RIMBP2: variants seen among roughly 807,000 people sequenced by gnomAD.
RIMBP2 encodes RIMS-binding protein 2.
In RIMBP2, 48 loss-of-function variants were observed where a neutral mutation model predicts 118.6. That is an observed-to-expected ratio of 0.40 (90% confidence interval 0.32 to 0.51). The LOEUF (loss-of-function observed/expected upper bound fraction) is 0.51. Ranked by LOEUF, RIMBP2 falls within the 20% of genes least tolerant of loss-of-function variation. RIMBP2 has a pLI of 0.41. For missense variants in RIMBP2, 1,551 were observed against 1,768.3 expected (o/e 0.88, Z 2.20); for synonymous variants, 762 against 742.9 (o/e 1.03, Z -0.42).
intron 1 of RIMBP2, among the ~76,000 whole-genome samples, chr12:130,682,148 G>A (rs1452954600): frequency 6.6e-6 from 1 of 152,080 alleles, no homozygotes; most frequent in African/African-American, 2.4e-5. Context: ...CCGGTGAGGG[G>A]ATGTGACCCA....
chr12:130,478,087 C>T (rs746092205), intron 5 of RIMBP2, among the ~76,000 whole-genome samples: 8 of 152,208 alleles, frequency 5.3e-5, no homozygotes, highest in Non-Finnish European at 1.0e-4. Context: ...AGGACCGTGG[C>T]TGAGGACTGG....
chr12:130,530,738 T>C (rs1181487461), intron 2 of RIMBP2, among the ~76,000 whole-genome samples: 4 of 152,202 alleles, frequency 2.6e-5, no homozygotes, highest in African/African-American at 7.2e-5. Flanking sequence ...CAAGAGCTGA[T>C]TTATGAGAAC....
chr12:130,472,953 A>G (rs2081130954), intron 5 of RIMBP2, among the ~76,000 whole-genome samples: 2 of 152,336 alleles, frequency 1.3e-5, no homozygotes, highest in Non-Finnish European at 2.9e-5. Flanking sequence ...GCAACAATAA[A>G]TAGCAAAATA....
chr12:130,457,859 T>C (rs1217045203), intron 6 of RIMBP2, among the ~76,000 whole-genome samples: 1 of 152,194 alleles, frequency 6.6e-6, no homozygotes, highest in Non-Finnish European at 1.5e-5. Context: ...GGATGGCTTG[T>C]CAGGTCTGCA....
intron 1 of RIMBP2, among the ~76,000 whole-genome samples, chr12:130,629,347 G>C (rs192380361): frequency 2.6e-5 from 4 of 152,316 alleles, no homozygotes. Context: ...CCTGACAGCT[G>C]TTAGGCCCAA....
intron 6 of RIMBP2, among the ~76,000 whole-genome samples, chr12:130,459,306 G>A (rs1324852906): frequency 1.3e-5 from 2 of 151,510 alleles, no homozygotes; most frequent in African/African-American, 2.4e-5. Context: ...AAAAAAGAGT[G>A]GATATAAACA....
chr12:130,435,179 G>A (rs1456765496), intron 13 of RIMBP2, among the ~76,000 whole-genome samples: 1 of 152,062 alleles, frequency 6.6e-6, no homozygotes, highest in Non-Finnish European at 1.5e-5. Context: ...CCGAGTAGCT[G>A]AGACTACAAG....
rs61934622 is a variant in RIMBP2, at chr12:130,588,870, T to C, written c.-217+39452A>G. Among the ~76,000 whole-genome samples, 456 of 152,354 alleles carry C rather than the reference T, an allele frequency of 3.0e-3. 2 individuals carry two copies. The highest frequency in any genetic ancestry group is 5.0e-3 in the Non-Finnish European group (337 of 68,024). On this transcript the variant is annotated intron_variant, in intron 2 of 22. Coordinates refer to ENST00000690449, the MANE Select transcript of RIMBP2 (RefSeq NM_001393629.1). Reference sequence around the variant, plus strand: ...CACAGAAGTTATCTGATGTAGACTGTGCTTAAACTGGTGTCCTGAACATGA... The same window carrying C: ...CACAGAAGTTATCTGATGTAGACTGCGCTTAAACTGGTGTCCTGAACATGA...
intron 1 of RIMBP2, among the ~76,000 whole-genome samples, chr12:130,630,867 A>G (rs2061950760): frequency 6.6e-6 from 1 of 152,182 alleles, no homozygotes. Flanking sequence ...AGAGATTACC[A>G]TACATGCAAA....
At position 130,478,972 on chromosome 12, in the gene RIMBP2, C is replaced by A. The variant is rs1593454507; in HGVS notation, c.42G>T (p.Glu14Asp). The A allele has an allele frequency of 6.2e-7, 1 of 1,614,014 alleles. No homozygotes were observed. The highest frequency in any genetic ancestry group is 1.7e-5 in the Admixed American group (1 of 60,006). ...TGAGAACAGCCAGGGCCTGGTCATG[C>A]TCCAACTGCAGCTGCTGCCGCCGTT... is the stretch of plus-strand genomic sequence containing the variant. ...AAERRQQLQLEHDQALAVLSA... is the reference protein window; with the variant it reads ...AAERRQQLQLDHDQALAVLSA... The change falls in exon 5 of 23, where the codon GAG (glutamate) becomes GAT (aspartate). Residue 14 changes from glutamate to aspartate, a missense_variant. Glu to Asp is a conservative substitution (Grantham distance 45, BLOSUM62 2). Coordinates refer to ENST00000690449, the MANE Select transcript of RIMBP2 (RefSeq NM_001393629.1).
intron 2 of RIMBP2, among the ~76,000 whole-genome samples, chr12:130,579,581 G>C (rs2058325008): frequency 6.6e-6 from 1 of 152,144 alleles, no homozygotes; most frequent in Non-Finnish European, 1.5e-5. Context: ...ATAGCTGTGA[G>C]TATGACTGTG....
At chr12:130,700,254 AG>A (rs1369345761) in intron 1 of RIMBP2, among the ~76,000 whole-genome samples, 3 of 152,166 alleles carry the variant, frequency 2.0e-5, no homozygotes, top group Non-Finnish European at 4.4e-5. Flanking sequence ...GCAACAGCCA[AG>A]GTCCTTTTCT....
chr12:130,646,359 C>CTG (rs2062953436), intron 1 of RIMBP2, among the ~76,000 whole-genome samples: 1 of 111,352 alleles, frequency 9.0e-6, no homozygotes, highest in Admixed American at 8.8e-5. Flanking sequence ...ACCTCCCTCA[C>CTG]CACCTCCCTC....
In RIMBP2 at chr12:130,670,386, G is replaced by A. The variant is rs190990880; in HGVS notation, c.-351-41930C>T. On this transcript the variant is annotated intron_variant, in intron 1 of 22. Coordinates refer to ENST00000690449, the MANE Select transcript of RIMBP2 (RefSeq NM_001393629.1). The surrounding 1 kb of genome is among the most constrained non-coding windows in gnomAD (Gnocchi z 4.9). ...CACCAGCGTGTGAGCATTTTGCCTC[G>A]GGAAACTAGAGGGCAGTAGTCATGT... 3.9e-5 allele frequency among the ~76,000 whole-genome samples: 6 copies of A among 152,248 alleles called. No homozygotes were observed. Among genetic ancestry groups the A allele is most frequent in the South Asian group, 2.1e-4 (1 of 4,814 alleles).
chr12:130,593,055 C>A (rs1001627950), intron 2 of RIMBP2, among the ~76,000 whole-genome samples: 1 of 152,212 alleles, frequency 6.6e-6, no homozygotes, highest in African/African-American at 2.4e-5. Context: ...CATTCAGCCT[C>A]GGCTCAGTTC....
chr12:130,538,355 G>A (rs942480779), intron 2 of RIMBP2, among the ~76,000 whole-genome samples: 21 of 151,722 alleles, frequency 1.4e-4, no homozygotes, highest in African/African-American at 3.9e-4. Flanking sequence ...ACAATTAGCC[G>A]TAAACGTCCG....
chr12:130,505,291 CT>C (rs2050193299), intron 4 of RIMBP2, among the ~76,000 whole-genome samples: 1 of 152,066 alleles, frequency 6.6e-6, no homozygotes, highest in Admixed American at 6.5e-5. Flanking sequence ...TGGCATCATT[CT>C]TTTCTAATTG....
chr12:130,434,931 C>G lies in RIMBP2; in HGVS notation c.2107-51G>C. On this transcript the variant is annotated intron_variant, in intron 13 of 22. Coordinates refer to ENST00000690449, the MANE Select transcript of RIMBP2 (RefSeq NM_001393629.1). This position sits in a 1 kb window ranked among gnomAD's most constrained non-coding sequence, Gnocchi z 5.7. ...GGTGAGGCAGGGCCACCTTCAGCTACGCTCAGCCCCACCTGCATTCACCAA... is the reference window on the plus strand; with the variant it reads ...GGTGAGGCAGGGCCACCTTCAGCTAGGCTCAGCCCCACCTGCATTCACCAA... 2 of 1,549,230 alleles carry G rather than the reference C, an allele frequency of 1.3e-6. No homozygotes were observed. The highest frequency in any genetic ancestry group is 1.2e-5 in the South Asian group (1 of 82,924).
chr12:130,627,385 A>C (rs2061710386), intron 2 of RIMBP2, among the ~76,000 whole-genome samples: 2 of 152,246 alleles, frequency 1.3e-5, no homozygotes, highest in South Asian at 2.1e-4. Flanking sequence ...TTGTCTCATG[A>C]TCACACAGGG....
Sources: gnomAD v4.1 joint callset for allele counts (sites outside exome capture counted in the v4.1 genomes callset) on GRCh38, gnomAD v4.1.1 for gene constraint, Gnocchi (gnomAD v3.1) non-coding constraint, MANE v1.5 for transcripts, NCBI Gene and HGNC (gene_info 2026-07-23, HGNC 2026-07-21) for gene names.